NPAS3: variants seen among roughly 807,000 people sequenced by gnomAD.
NPAS3 encodes neuronal PAS domain-containing protein 3.
Under a neutral mutation model 73.1 loss-of-function variants are expected in NPAS3, and 14 were observed. That is an observed-to-expected ratio of 0.19 (90% CI 0.13 to 0.30). The LOEUF (loss-of-function observed/expected upper bound fraction) is 0.30, where lower values mean the gene tolerates loss of function less well. Ranked by LOEUF, NPAS3 falls within the 10% of genes least tolerant of loss-of-function variation. The pLI, the probability that NPAS3 is intolerant of heterozygous loss-of-function variation, is 1.00. For synonymous variants in NPAS3, 620 were observed against 541.5 expected, an observed-to-expected ratio of 1.14 and a Z score of -2.01; for missense variants, 1,096 against 1,250.0, an observed-to-expected ratio of 0.88 and a Z score of 1.86.
intron 1 of NPAS3, among the ~76,000 whole-genome samples, chr14:32,970,127 C>T (rs529295784): frequency 1.3e-4 from 20 of 152,190 alleles, no homozygotes; most frequent in South Asian, 2.1e-4. Flanking sequence ...AATTTCAAAA[C>T]GTAGGATAAA....
intron 4 of NPAS3, among the ~76,000 whole-genome samples, chr14:33,493,272 T>TTCTG (rs2051994359): frequency 6.6e-6 from 1 of 152,004 alleles, no homozygotes. Flanking sequence ...TTTAAATACT[T>TTCTG]TCTGACAATC....
At chr14:33,271,848 A>G (rs553550842) in intron 3 of NPAS3, among the ~76,000 whole-genome samples, 148 of 152,262 alleles carry the variant, frequency 9.7e-4, no homozygotes, top group African/African-American at 3.3e-3. Context: ...TATATTCCTT[A>G]TTAATGTAAT....
intron 4 of NPAS3, among the ~76,000 whole-genome samples, chr14:33,369,832 A>C (rs2140430177): frequency 6.6e-6 from 1 of 152,310 alleles, no homozygotes; most frequent in Non-Finnish European, 1.5e-5. Flanking sequence ...CCTAACTAGC[A>C]GGGAAACTTT....
intron 4 of NPAS3, among the ~76,000 whole-genome samples, chr14:33,381,665 A>G (rs530756056): frequency 1.3e-5 from 2 of 152,256 alleles, no homozygotes; most frequent in East Asian, 3.9e-4. Context: ...AAAGAATTAT[A>G]AGGGAAATAT....
intron 3 of NPAS3, among the ~76,000 whole-genome samples, chr14:33,319,731 G>A (rs1044381342): frequency 3.3e-5 from 5 of 152,100 alleles, no homozygotes; most frequent in Non-Finnish European, 5.9e-5. Flanking sequence ...CTCTTTACCT[G>A]ATGCACAGGA....
At position 33,643,852 on chromosome 14, in the gene NPAS3, T is replaced by C. The variant is rs192305466; in HGVS notation, c.559-32359T>C. 1.4e-3 allele frequency among the ~76,000 whole-genome samples: 219 copies of C among 152,336 alleles called. 1 individual carries two copies. The highest frequency in any genetic ancestry group is 4.8e-3 in the South Asian group (23 of 4,828). ...AAGTCCATTGTTTTTAAATAATGTA[T>C]GTAAATTTTTGAAAACATGCAAATT... On this transcript the variant is annotated intron_variant, in intron 5 of 11. Transcript: ENST00000356141.
intron 6 of NPAS3, among the ~76,000 whole-genome samples, chr14:33,715,822 G>GT (rs1349162489): frequency 6.6e-6 from 1 of 152,168 alleles, no homozygotes; most frequent in Non-Finnish European, 1.5e-5. Flanking sequence ...ATGGGAGTGG[G>GT]TTTTTCCTGC....
At chr14:33,322,070 C>G (rs73256851) in intron 3 of NPAS3, among the ~76,000 whole-genome samples, 1 of 152,094 alleles carries the variant, frequency 6.6e-6, no homozygotes, top group East Asian at 1.9e-4. Context: ...GAAATATAAG[C>G]CCTCTGAGCA....
At position 33,800,987 on chromosome 14, in the gene NPAS3, C is replaced by A. The variant is rs776220702; in HGVS notation, c.2680C>A (p.Leu894Met). 1.1e-5 allele frequency: 18 copies of A among 1,590,532 alleles called. No homozygotes were observed. The highest frequency in any genetic ancestry group is 1.4e-5 in the Non-Finnish European group (16 of 1,169,312). ...CGGCGGCGCAGTGAGCGCAGCTAGC[C>A]TGACGCAGATGCCCGCCGGCAACGT... The change falls in exon 12 of 12, where the codon CTG (leucine) becomes ATG (methionine). Residue 894 changes from leucine (L) to methionine (M), a missense_variant. Around this residue, in one of 5 missense-constraint regions of NPAS3, gnomAD observed 698 missense variants for 676.7 expected, o/e 1.03. Transcript: ENST00000356141. The surrounding 1 kb of genome is among the most constrained non-coding windows in gnomAD (Gnocchi z 6.5).
chr14:33,072,197 T>A (rs2041509567), intron 2 of NPAS3, among the ~76,000 whole-genome samples: 1 of 152,222 alleles, frequency 6.6e-6, no homozygotes, highest in South Asian at 2.1e-4. Flanking sequence ...GGCCAGATTC[T>A]GTGTTTTTAA....
At chr14:33,330,395 G>A (rs1287659963) in intron 3 of NPAS3, among the ~76,000 whole-genome samples, 1 of 152,132 alleles carries the variant, frequency 6.6e-6, no homozygotes, top group African/African-American at 2.4e-5. Flanking sequence ...TGCACTTCCT[G>A]TGGGACCTTG....
At chr14:33,047,762 G>A (rs560703282) in intron 1 of NPAS3, among the ~76,000 whole-genome samples, 1 of 152,264 alleles carries the variant, frequency 6.6e-6, no homozygotes, top group Admixed American at 6.5e-5. Context: ...CTCTTACAGT[G>A]TATGGTCTAT....
intron 1 of NPAS3, among the ~76,000 whole-genome samples, chr14:32,946,348 GCAC>G (rs2036256772): frequency 7.2e-6 from 1 of 139,314 alleles, no homozygotes; most frequent in African/African-American, 2.7e-5. Flanking sequence ...ACACACACGC[GCAC>G]ACACACACAC....
intron 5 of NPAS3, among the ~76,000 whole-genome samples, chr14:33,652,919 C>A (rs1367780061): frequency 6.6e-6 from 1 of 152,134 alleles, no homozygotes; most frequent in East Asian, 1.9e-4. Flanking sequence ...CCTTGGACAG[C>A]AATCCAATTT....
intron 4 of NPAS3, among the ~76,000 whole-genome samples, chr14:33,523,886 G>C (rs1307962162): frequency 1.3e-5 from 2 of 152,096 alleles, no homozygotes; most frequent in Non-Finnish European, 2.9e-5. Flanking sequence ...CCTTATATGT[G>C]TGGGGCCACA....
chr14:33,082,677 A>T (rs985229431), intron 2 of NPAS3, among the ~76,000 whole-genome samples: 1 of 152,222 alleles, frequency 6.6e-6, no homozygotes, highest in Non-Finnish European at 1.5e-5. Context: ...CAGTGGTTAT[A>T]AACACCAATT....
At chr14:33,535,777 A>G (rs576681329) in intron 4 of NPAS3, among the ~76,000 whole-genome samples, 23 of 152,200 alleles carry the variant, frequency 1.5e-4, no homozygotes, top group Non-Finnish European at 2.8e-4. Flanking sequence ...TTTGGAACCT[A>G]CTTGAACTTT....
chr14:33,706,160 C>T (rs1012282393), intron 6 of NPAS3, among the ~76,000 whole-genome samples: 3 of 152,210 alleles, frequency 2.0e-5, no homozygotes, highest in Non-Finnish European at 4.4e-5. Context: ...TTCCTCTCAG[C>T]CTCCTACATT....
intron 4 of NPAS3, among the ~76,000 whole-genome samples, chr14:33,528,897 T>A (rs2053920968): frequency 6.6e-6 from 1 of 152,030 alleles, no homozygotes; most frequent in Non-Finnish European, 1.5e-5. Flanking sequence ...TTGTGAAGGG[T>A]CCCAAAGAAT....
Sources: allele counts gnomAD v4.1 joint callset (sites outside exome capture counted in the v4.1 genomes callset), GRCh38; gene constraint gnomAD v4.1.1; regional missense constraint gnomAD v4.1.1; non-coding constraint Gnocchi (gnomAD v3.1); transcripts MANE v1.5; gene names NCBI Gene and HGNC (gene_info 2026-07-23, HGNC 2026-07-21).